The following BNIP1 variants were observed in gnomAD, a reference collection of about 807,000 sequenced individuals.
BNIP1 encodes BCL2 interacting protein 1.
BNIP1 carries 25 observed loss-of-function variants against 28.5 expected under a neutral mutation model. The observed-to-expected ratio is 0.88, with a 90% confidence interval of 0.64 to 1.23. BNIP1 has a LOEUF of 1.23. BNIP1 is among the 50% of genes most tolerant of loss of function. The pLI is 0.00. For synonymous variants in BNIP1, 118 were observed against 101.7 expected (o/e 1.16, Z -0.96); for missense variants, 276 against 277.0 (o/e 1.00, Z 0.02).
At chr5:173,147,044 A>G in intron 2 of BNIP1, 86 bp downstream of exon 2, 1 of 976,052 alleles carries the variant, frequency 1.0e-6, no homozygotes. Context: ...TTCAAACACC[A>G]GCTGATGGGA....
At chr5:173,146,547 T>C (rs1759840013) in intron 1 of BNIP1, among the ~76,000 whole-genome samples, 1 of 152,226 alleles carries the variant, frequency 6.6e-6, no homozygotes, top group Non-Finnish European at 1.5e-5. Context: ...CCATTCTTGT[T>C]GGGCATACAA....
At chr5:173,163,329 T>C (rs1236898518) in intron 5 of BNIP1, among the ~76,000 whole-genome samples, 1 of 152,178 alleles carries the variant, frequency 6.6e-6, no homozygotes, top group Non-Finnish European at 1.5e-5. Context: ...GGTGGAAGGT[T>C]CTGGTGCATT....
At chr5:173,156,345 G>A (rs1760184851) in intron 3 of BNIP1, among the ~76,000 whole-genome samples, 1 of 152,140 alleles carries the variant, frequency 6.6e-6, no homozygotes, top group Non-Finnish European at 1.5e-5. Context: ...AGAGAAAGCT[G>A]TCAATTTATA....
At chr5:173,151,018 G>A (rs1760001937) in intron 2 of BNIP1, among the ~76,000 whole-genome samples, 1 of 151,156 alleles carries the variant, frequency 6.6e-6, no homozygotes. Flanking sequence ...CGTATTTTTA[G>A]TACAGACGGA....
chr5:173,152,481 C>G (rs1760052177), intron 2 of BNIP1, among the ~76,000 whole-genome samples: 2 of 152,096 alleles, frequency 1.3e-5, no homozygotes, highest in Admixed American at 6.6e-5. Flanking sequence ...TCCCGAGTAC[C>G]TGGGATTACA....
At chr5:173,156,969 A>C (rs972912464) in intron 3 of BNIP1, among the ~76,000 whole-genome samples, 16 of 151,844 alleles carry the variant, frequency 1.1e-4, no homozygotes, top group East Asian at 5.8e-4. Context: ...CAAAAAAAAA[A>C]CAAAAAAAAC....
chr5:173,154,948 T>C (rs931058429), intron 3 of BNIP1, among the ~76,000 whole-genome samples: 2 of 152,188 alleles, frequency 1.3e-5, no homozygotes, highest in African/African-American at 4.8e-5. Context: ...TACAAAAGCA[T>C]ATTTAACATT....
At chr5:173,161,309 G>A (rs985067695) in intron 5 of BNIP1, 5 of 154,614 alleles carry the variant, frequency 3.2e-5, no homozygotes, top group Non-Finnish European at 5.7e-5. Context: ...AAAGCAAGCA[G>A]GTGACCCCAA....
intron 3 of BNIP1, among the ~76,000 whole-genome samples, chr5:173,157,122 T>TC (rs1399796457): frequency 6.6e-6 from 1 of 152,148 alleles, no homozygotes; most frequent in Admixed American, 6.5e-5. Flanking sequence ...TGCCCCTCAT[T>TC]CATCTCTGGA....
At chr5:173,144,719 C>A in intron 1 of BNIP1, 90 bp downstream of exon 1, 1 of 1,387,272 alleles carries the variant, frequency 7.2e-7, no homozygotes, top group South Asian at 1.2e-5. Context: ...CCCGAACTTT[C>A]CCCACTTGGT....
intron 2 of BNIP1, among the ~76,000 whole-genome samples, chr5:173,148,749 A>G (rs935062613): frequency 8.8e-6 from 1 of 113,860 alleles, no homozygotes; most frequent in Non-Finnish European, 2.2e-5. Context: ...GTTGCTTTAT[A>G]TTGTTCATGA....
At chr5:173,150,730 T>C (rs1416242269) in intron 2 of BNIP1, among the ~76,000 whole-genome samples, 1 of 152,214 alleles carries the variant, frequency 6.6e-6, no homozygotes, top group Non-Finnish European at 1.5e-5. Flanking sequence ...AGAGTTTCTC[T>C]ACTCAAATAT....
At chr5:173,151,925 T>G (rs1039589982) in intron 2 of BNIP1, among the ~76,000 whole-genome samples, 1 of 152,226 alleles carries the variant, frequency 6.6e-6, no homozygotes, top group Non-Finnish European at 1.5e-5. Flanking sequence ...ACAAGATTCC[T>G]GTTTGTTTGC....
intron 5 of BNIP1, chr5:173,160,787 T>G: frequency 2.2e-6 from 1 of 456,106 alleles, no homozygotes; most frequent in Non-Finnish European, 4.4e-6. Flanking sequence ...GGACCTCAGT[T>G]TACAATTATA....
chr5:173,145,616 G>C (rs1029015530), intron 1 of BNIP1, among the ~76,000 whole-genome samples: 1 of 152,138 alleles, frequency 6.6e-6, no homozygotes, highest in African/African-American at 2.4e-5. Context: ...TGTTAGCCAG[G>C]ATGGTCTCGA....
intron 5 of BNIP1, chr5:173,160,719 G>A: frequency 2.3e-6 from 1 of 439,112 alleles, no homozygotes; most frequent in South Asian, 1.6e-5. Flanking sequence ...GGCCAGGCAA[G>A]TTTGGGAATG....
intron 2 of BNIP1, among the ~76,000 whole-genome samples, chr5:173,150,206 C>T (rs1190672561): frequency 1.3e-5 from 2 of 148,296 alleles, no homozygotes; most frequent in Non-Finnish European, 3.0e-5. Context: ...TGCATTGAGC[C>T]AAGATTGTGC....
At chr5:173,159,887 G>A in intron 4 of BNIP1, 46 bp from the exon 5 acceptor site, 2 of 1,543,628 alleles carry the variant, frequency 1.3e-6, no homozygotes, top group Non-Finnish European at 1.8e-6. Context: ...CTTGCAGGGA[G>A]GCTTTTGTTG....
At chr5:173,162,145 C>T (rs745430401) in intron 5 of BNIP1, among the ~76,000 whole-genome samples, 2 of 151,912 alleles carry the variant, frequency 1.3e-5, no homozygotes, top group Middle Eastern at 3.2e-3. Flanking sequence ...ACAGCAGCCA[C>T]GTATGTAACT....
Sources: gnomAD v4.1 joint callset for allele counts (sites outside exome capture counted in the v4.1 genomes callset) on GRCh38, gnomAD v4.1.1 for gene constraint, MANE v1.5 for transcripts, NCBI Gene and HGNC (gene_info 2026-07-23, HGNC 2026-07-21) for gene names.